The following PFKFB3 variants were observed in gnomAD, a reference collection of about 807,000 sequenced individuals.
PFKFB3 encodes the protein 6-phosphofructo-2-kinase/fructose-2,6-bisphosphatase 3.
In PFKFB3, 33 loss-of-function variants were observed where a neutral mutation model predicts 68.0. The ratio of observed to expected loss-of-function variants is 0.49; its 90% CI spans 0.37 to 0.65. PFKFB3 has a LOEUF of 0.65. Among genes scored for constraint, PFKFB3 ranks in the 30% least tolerant of loss-of-function variants. The pLI is 0.00. For synonymous variants in PFKFB3, 315 were observed against 288.2 expected (o/e 1.09, Z -0.94); for missense variants, 586 against 712.2 (o/e 0.82, Z 2.02).
chr10:6,287,571 A>G, the PFKFB3 span, among the ~76,000 whole-genome samples: 1 of 152,166 alleles, frequency 6.6e-6, no homozygotes, highest in African/African-American at 2.4e-5. Flanking sequence ...AGGCTATACT[A>G]TCTAGGTTTG....
chr10:6,277,704 G>A, the PFKFB3 span: 1 of 376,176 alleles, frequency 2.7e-6, no homozygotes. Flanking sequence ...AGTTTCCTGA[G>A]GCCTCCCTAG....
chr10:6,300,812 C>T, the PFKFB3 span, among the ~76,000 whole-genome samples: 5 of 152,134 alleles, frequency 3.3e-5, no homozygotes, highest in Admixed American at 2.6e-4. Flanking sequence ...GGTTTGAGTT[C>T]TGGAAGCCTT....
chr10:6,318,814 G>A, the PFKFB3 span, among the ~76,000 whole-genome samples: 1 of 152,152 alleles, frequency 6.6e-6, no homozygotes, highest in Non-Finnish European at 1.5e-5. Flanking sequence ...GACCAGCTCC[G>A]TCTCTGCGGT....
Position 6,220,937 on chromosome 10 carries a change from G to A in PFKFB3, c.831+72G>A. 2 of 1,368,746 alleles carry A rather than the reference G, an allele frequency of 1.5e-6. No homozygotes were observed. The highest frequency in any genetic ancestry group is 2.0e-6 in the Non-Finnish European group (2 of 985,404). The allele number at this position is 1,368,746 out of a possible 1,614,324, so 84.8% of individuals were successfully genotyped here. ...GCAGGGTCTATAGGGTGGGTGGGGA[G>A]CTGTGTGCTGCTGCTGCTGCTGCTG... On this transcript the variant is annotated intron_variant, in intron 8 of 14. Coordinates refer to ENST00000379775, the MANE Select transcript of PFKFB3 (RefSeq NM_004566.4). The surrounding 1 kb of genome is among the most constrained non-coding windows in gnomAD (Gnocchi z 4.1).
chr10:6,203,278 G>C lies in PFKFB3; in HGVS notation c.18G>C (p.Thr6=). MPLEL[T]QSRVQKIWVP... ...CCGCGAAGATGCCGTTGGAACTGAC[G>C]CAGAGCCGAGTGCAGAAGATCTGGG... Residue 6 remains threonine (T), a synonymous_variant, in exon 1 of 15, where the codon ACG becomes ACC. Coordinates refer to ENST00000379775, the MANE Select transcript of PFKFB3 (RefSeq NM_004566.4). The C allele has an allele frequency of 6.2e-7, 1 of 1,610,766 alleles. No homozygotes were observed. Among genetic ancestry groups the C allele is most frequent in the Non-Finnish European group, 8.5e-7 (1 of 1,178,644 alleles).
At chr10:6,321,315 C>A in the PFKFB3 span, among the ~76,000 whole-genome samples, 2 of 152,110 alleles carry the variant, frequency 1.3e-5, no homozygotes, top group South Asian at 4.1e-4. Flanking sequence ...TAGTAAGTTC[C>A]TTGTCATGCC....
chr10:6,145,696 A>T (rs900689960), intron 1 of PFKFB3, among the ~76,000 whole-genome samples: 80 of 152,140 alleles, frequency 5.3e-4, no homozygotes, highest in African/African-American at 1.8e-3. Flanking sequence ...AAACCGACAG[A>T]TGGCTAGGGA....
the PFKFB3 span, among the ~76,000 whole-genome samples, chr10:6,280,266 G>A: frequency 0.63 from 95,699 of 152,092 alleles, 30,759 homozygotes; most frequent in Middle Eastern, 0.72. Flanking sequence ...AGTACTTGCC[G>A]CCTTATTTTA....
At chr10:6,241,971 G>A (rs767362451) in intron 14 of PFKFB3, among the ~76,000 whole-genome samples, 5 of 151,464 alleles carry the variant, frequency 3.3e-5, no homozygotes, top group Admixed American at 3.3e-4. Flanking sequence ...TCAGCCCCCC[G>A]AGTAGCTGGG....
At chr10:6,151,382 C>T (rs1355690824) in intron 1 of PFKFB3, among the ~76,000 whole-genome samples, 1 of 152,306 alleles carries the variant, frequency 6.6e-6, no homozygotes, top group South Asian at 2.1e-4. Flanking sequence ...TTCCCCCTGG[C>T]CTGGGCTTCA....
At chr10:6,319,855 A>C in the PFKFB3 span, among the ~76,000 whole-genome samples, 14 of 152,168 alleles carry the variant, frequency 9.2e-5, no homozygotes, top group African/African-American at 3.4e-4. Flanking sequence ...TCAAGAAATA[A>C]ACAACAAAAC....
At chr10:6,315,386 G>A in the PFKFB3 span, among the ~76,000 whole-genome samples, 796 of 152,336 alleles carry the variant, frequency 5.2e-3, 15 homozygotes, top group African/African-American at 0.018. Context: ...TATTAAGAAC[G>A]TAAAGGCCAG....
intron 1 of PFKFB3, among the ~76,000 whole-genome samples, chr10:6,167,431 C>G (rs1366367478): frequency 1.3e-5 from 2 of 152,232 alleles, no homozygotes; most frequent in African/African-American, 4.8e-5. Flanking sequence ...TAGCTTCATA[C>G]TCTCTGAAGA....
chr10:6,299,681 A>G, the PFKFB3 span, among the ~76,000 whole-genome samples: 1 of 152,168 alleles, frequency 6.6e-6, no homozygotes, highest in South Asian at 2.1e-4. Context: ...GAATTTACCC[A>G]ATTTTATACT....
At chr10:6,199,343 C>G (rs1843256992), upstream of PFKFB3, among the ~76,000 whole-genome samples, 1 of 152,104 alleles carries the variant, frequency 6.6e-6, no homozygotes, top group African/African-American at 2.4e-5. Context: ...TTTGGAAGCA[C>G]TGGTAGGAGT....
At chr10:6,308,756 T>G in the PFKFB3 span, among the ~76,000 whole-genome samples, 2 of 152,260 alleles carry the variant, frequency 1.3e-5, no homozygotes, top group African/African-American at 4.8e-5. Flanking sequence ...TATTAAATCA[T>G]CACCATGCAT....
chr10:6,209,762 TTTC>T (rs1230634396), intron 1 of PFKFB3, among the ~76,000 whole-genome samples: 4 of 65,966 alleles, frequency 6.1e-5, no homozygotes, highest in African/African-American at 1.7e-4. Flanking sequence ...ATACTTACCT[TTTC>T]TTTTTTTTTT....
intron 1 of PFKFB3, among the ~76,000 whole-genome samples, chr10:6,177,480 C>CTTTCTTTCTTTCTT (rs200215682): frequency 2.5e-5 from 3 of 119,116 alleles, no homozygotes; most frequent in Non-Finnish European, 3.6e-5. Context: ...TTCTTTCTTT[C>CTTTCTTTCTTTCTT]TTTCTTTTTC....
At chr10:6,210,557 G>A (rs7907736) in intron 1 of PFKFB3, among the ~76,000 whole-genome samples, 1,263 of 80,642 alleles carry the variant, frequency 0.016, 235 homozygotes, top group Admixed American at 0.031. Flanking sequence ...ACGGGGTTTC[G>A]CCATGTTAGC....
Sources: gnomAD v4.1 joint callset for allele counts (sites outside exome capture counted in the v4.1 genomes callset) on GRCh38, gnomAD v4.1.1 for gene constraint, Gnocchi (gnomAD v3.1) non-coding constraint, MANE v1.5 for transcripts, NCBI Gene and HGNC (gene_info 2026-07-23, HGNC 2026-07-21) for gene names.